Variants in FHIT observed in about 807,000 individuals in gnomAD.
FHIT encodes the protein fragile histidine triad diadenosine triphosphatase, also known as bis(5'-adenosyl)-triphosphatase.
A neutral mutation model predicts 17.9 loss-of-function variants in FHIT; 19 were observed. The ratio of observed to expected loss-of-function variants is 1.06; its 90% confidence interval spans 0.74 to 1.56. The LOEUF (loss-of-function observed/expected upper bound fraction) is 1.56. FHIT is among the 40% of genes most tolerant of loss of function. The pLI is 0.00. For missense variants in FHIT, 248 were observed against 189.2 expected (o/e 1.31, Z -1.82); for synonymous variants, 81 against 69.7 (o/e 1.16, Z -0.81).
At chr3:59,871,483 C>A (rs1245919868) in intron 8 of FHIT, among the ~76,000 whole-genome samples, 4 of 152,116 alleles carry the variant, frequency 2.6e-5, no homozygotes, top group African/African-American at 9.7e-5. Flanking sequence ...AAGACCACCA[C>A]CTCCACCCCA....
At chr3:60,457,782 A>G (rs1395148408) in intron 5 of FHIT, among the ~76,000 whole-genome samples, 1 of 150,852 alleles carries the variant, frequency 6.6e-6, no homozygotes, top group Non-Finnish European at 1.5e-5. Flanking sequence ...GGATATGAAC[A>G]GACACTTCTC....
intron 8 of FHIT, among the ~76,000 whole-genome samples, chr3:59,806,178 CAA>C (rs35957311): frequency 5.2e-5 from 6 of 116,312 alleles, no homozygotes; most frequent in Admixed American, 9.1e-5. Flanking sequence ...GAATCTGTCT[CAA>C]AAAAAAAAAA....
At chr3:60,265,127 C>T (rs768342144) in intron 5 of FHIT, among the ~76,000 whole-genome samples, 3 of 151,904 alleles carry the variant, frequency 2.0e-5, no homozygotes, top group Non-Finnish European at 4.4e-5. Context: ...GTCTACATCC[C>T]AGAGCCTTCT....
At chr3:59,907,217 C>A (rs2687901) in intron 8 of FHIT, among the ~76,000 whole-genome samples, 1 of 152,200 alleles carries the variant, frequency 6.6e-6, no homozygotes, top group South Asian at 2.1e-4. Flanking sequence ...ACTTCCATGG[C>A]CCTTTATCAG....
intron 4 of FHIT, among the ~76,000 whole-genome samples, chr3:60,812,175 CTTT>C (rs34243612): frequency 1.0e-4 from 14 of 137,054 alleles, no homozygotes; most frequent in Admixed American, 2.2e-4. Context: ...AATACAGACT[CTTT>C]TTTTTTTTTT....
At chr3:60,250,805 T>C (rs1705668672) in intron 5 of FHIT, among the ~76,000 whole-genome samples, 1 of 152,138 alleles carries the variant, frequency 6.6e-6, no homozygotes, top group African/African-American at 2.4e-5. Context: ...CAATCGACAA[T>C]GAGACTTGGT....
intron 5 of FHIT, among the ~76,000 whole-genome samples, chr3:60,279,750 G>A (rs1707340206): frequency 6.6e-6 from 1 of 152,090 alleles, no homozygotes. Context: ...TACACAGCTG[G>A]TGGAACGTTC....
At chr3:59,835,813 T>A (rs920241586) in intron 8 of FHIT, among the ~76,000 whole-genome samples, 1 of 152,148 alleles carries the variant, frequency 6.6e-6, no homozygotes, top group Admixed American at 6.5e-5. Context: ...CAGCCTATAA[T>A]GAAATTCTAA....
chr3:60,427,070 G>C (rs1019928951), intron 5 of FHIT, among the ~76,000 whole-genome samples: 12 of 152,076 alleles, frequency 7.9e-5, no homozygotes, highest in African/African-American at 2.9e-4. Context: ...GGGTGGGCCT[G>C]ACCTATTCAG....
chr3:60,448,981 A>G (rs905567254), intron 5 of FHIT, among the ~76,000 whole-genome samples: 5 of 152,192 alleles, frequency 3.3e-5, no homozygotes, highest in Admixed American at 6.6e-5. Flanking sequence ...GTAGGTTTGG[A>G]AAATGAAGCA....
intron 5 of FHIT, among the ~76,000 whole-genome samples, chr3:60,461,378 T>G (rs1165391070): frequency 6.6e-6 from 1 of 152,136 alleles, no homozygotes; most frequent in African/African-American, 2.4e-5. Flanking sequence ...AGAAAGAGAC[T>G]CTCCAGCAGC....
At chr3:61,064,943 G>A (rs1316746490) in intron 2 of FHIT, among the ~76,000 whole-genome samples, 2 of 152,096 alleles carry the variant, frequency 1.3e-5, no homozygotes, top group African/African-American at 2.4e-5. Context: ...AACATCCCAA[G>A]CTCATTATAC....
chr3:60,283,575 A>T (rs922445324), intron 5 of FHIT, among the ~76,000 whole-genome samples: 1 of 152,094 alleles, frequency 6.6e-6, no homozygotes, highest in African/African-American at 2.4e-5. Context: ...TCCACTAGGG[A>T]TACGGTCTGT....
intron 8 of FHIT, among the ~76,000 whole-genome samples, chr3:59,890,814 A>G (rs887871582): frequency 6.6e-6 from 1 of 152,206 alleles, no homozygotes; most frequent in Non-Finnish European, 1.5e-5. Flanking sequence ...GTTCTTCAAT[A>G]AAGAACAGTA....
At chr3:59,983,166 T>A (rs1302270014) in intron 7 of FHIT, among the ~76,000 whole-genome samples, 3 of 151,986 alleles carry the variant, frequency 2.0e-5, no homozygotes, top group Non-Finnish European at 2.9e-5. Context: ...CTCAAACTCC[T>A]GAGCTCAAGC....
At chr3:60,342,994 T>C (rs1710602802) in intron 5 of FHIT, among the ~76,000 whole-genome samples, 3 of 152,186 alleles carry the variant, frequency 2.0e-5, no homozygotes, top group African/African-American at 7.2e-5. Context: ...ACTGATGTCC[T>C]CTAAATAAAA....
intron 4 of FHIT, among the ~76,000 whole-genome samples, chr3:60,601,165 T>C (rs191456942): frequency 6.6e-6 from 1 of 152,304 alleles, no homozygotes; most frequent in Non-Finnish European, 1.5e-5. Context: ...AGAATATTAA[T>C]AGGATCTCGG....
At chr3:59,984,524 A>G (rs1394652793) in intron 7 of FHIT, among the ~76,000 whole-genome samples, 1 of 152,018 alleles carries the variant, frequency 6.6e-6, no homozygotes, top group Non-Finnish European at 1.5e-5. Flanking sequence ...AAAGTCAATA[A>G]TTCCTGACAC....
At chr3:60,193,672 G>C (rs1702501349) in intron 5 of FHIT, among the ~76,000 whole-genome samples, 1 of 152,116 alleles carries the variant, frequency 6.6e-6, no homozygotes, top group South Asian at 2.1e-4. Flanking sequence ...AATATTTCTG[G>C]GGCCAATCAA....
Sources: gnomAD v4.1 joint callset for allele counts (sites outside exome capture counted in the v4.1 genomes callset) on GRCh38, gnomAD v4.1.1 for gene constraint, MANE v1.5 for transcripts, NCBI Gene and HGNC (gene_info 2026-07-23, HGNC 2026-07-21) for gene names.